SOX6: variants seen among roughly 807,000 people sequenced by gnomAD.
SOX6 encodes SRY-box transcription factor 6, also known as transcription factor SOX-6.
Under a neutral mutation model 97.8 loss-of-function variants are expected in SOX6, and 11 were observed. The observed-to-expected ratio is 0.11, with a 90% CI of 0.07 to 0.19. SOX6 has a LOEUF of 0.19. Among genes scored for constraint, SOX6 ranks in the 10% least tolerant of loss-of-function variants. The pLI, the probability that SOX6 is intolerant of heterozygous loss-of-function variation, is 1.00. For synonymous variants in SOX6, 360 were observed against 371.4 expected, an observed-to-expected ratio of 0.97 and a Z score of 0.35; for missense variants, 810 against 1,039.5, an observed-to-expected ratio of 0.78 and a Z score of 3.04.
At chr11:16,542,915 G>A (rs1345421372) in intron 4 of SOX6, among the ~76,000 whole-genome samples, 2 of 151,968 alleles carry the variant, frequency 1.3e-5, no homozygotes, top group African/African-American at 4.8e-5. Flanking sequence ...GTAAATGATT[G>A]CTAATATTTA....
chr11:16,161,588 A>G (rs923997771), intron 6 of SOX6, among the ~76,000 whole-genome samples: 3 of 152,164 alleles, frequency 2.0e-5, no homozygotes, highest in Non-Finnish European at 2.9e-5. Context: ...AAAGCAGGAC[A>G]AAGGAAAAAT....
In SOX6 at chr11:16,160,468, A is replaced by G. The variant is rs184285887; in HGVS notation, c.777+23418T>C. Among the ~76,000 whole-genome samples the G allele has an allele frequency of 2.5e-4, 38 of 152,324 alleles. No individual in the cohort carries two copies. In the East Asian group the frequency reaches 7.0e-3, roughly 28 times the overall value. Reference sequence around the variant, plus strand: ...CCTTAGTGATGTGTCTGGATAACACATGCCCATATATACCATAATGACTTA... The same window carrying G: ...CCTTAGTGATGTGTCTGGATAACACGTGCCCATATATACCATAATGACTTA... On this transcript the variant is annotated intron_variant, in intron 6 of 15. Coordinates refer to ENST00000683767, the MANE Select transcript of SOX6 (RefSeq NM_001367873.1).
In SOX6 at chr11:15,970,608, A is replaced by C. The variant is rs774214775; in HGVS notation, c.*2201T>G. ...TCCTCATTTGAAATAAATGTACAAA[A>C]ACAAATTTCTAATCCCCAACCAACA... On this transcript the variant is annotated 3_prime_UTR_variant, in exon 16 of 16. Transcript: ENST00000683767. 6.6e-6 allele frequency: 1 copy of C among 152,662 alleles called. No homozygotes were observed. The highest frequency in any genetic ancestry group is 1.5e-5 in the Non-Finnish European group (1 of 68,048). 9.5% of individuals were successfully genotyped at this position (152,662 alleles called of 1,614,324 possible). A position where few individuals can be genotyped will look rare whatever the true frequency, so the allele number is the denominator to read the frequency against.
At chr11:16,469,230 T>C (rs909232365) in intron 1 of SOX6, among the ~76,000 whole-genome samples, 1 of 152,128 alleles carries the variant, frequency 6.6e-6, no homozygotes, top group African/African-American at 2.4e-5. Flanking sequence ...TTTAGAGCAG[T>C]TTGTTCTGGT....
intron 4 of SOX6, among the ~76,000 whole-genome samples, chr11:16,199,494 C>T (rs1398162456): frequency 6.6e-6 from 1 of 152,058 alleles, no homozygotes; most frequent in Non-Finnish European, 1.5e-5. Context: ...GGTCTGAATA[C>T]CCAACCCCAG....
intron 4 of SOX6, among the ~76,000 whole-genome samples, chr11:16,517,451 A>G (rs1388819125): frequency 1.3e-5 from 2 of 152,238 alleles, no homozygotes; most frequent in African/African-American, 4.8e-5. Context: ...GAGTTGATGT[A>G]AGAGAGGAAT....
chr11:16,195,337 T>G (rs1338167514), intron 4 of SOX6, among the ~76,000 whole-genome samples: 1 of 152,194 alleles, frequency 6.6e-6, no homozygotes, highest in East Asian at 1.9e-4. Flanking sequence ...GTCTAGAGTC[T>G]AAGAAAGAGG....
chr11:16,059,944 T>C (rs527864326), intron 9 of SOX6, among the ~76,000 whole-genome samples: 2 of 152,096 alleles, frequency 1.3e-5, no homozygotes, highest in South Asian at 2.1e-4. Context: ...ACATGTTGAC[T>C]ATATAGTCCT....
At chr11:16,017,262 T>G (rs889802363) in intron 12 of SOX6, among the ~76,000 whole-genome samples, 9 of 152,024 alleles carry the variant, frequency 5.9e-5, no homozygotes, top group Non-Finnish European at 1.0e-4. Context: ...TTTTCTAACT[T>G]CATTGAAAAA....
In SOX6 at chr11:16,388,140, T is replaced by A. The variant is rs190670665; in HGVS notation, c.-4-46888A>T. On this transcript the variant is annotated intron_variant, in intron 1 of 15. Transcript: ENST00000396356. ...TATTCCTAGATTGCTGGGAGTTTTT[T>A]AATTATTAATGGGTGTGGTCAACTG... 3.0e-4 allele frequency among the ~76,000 whole-genome samples: 46 copies of A among 152,292 alleles called. No individual in the cohort carries two copies. The East Asian group carries it at 8.7e-3, about 29-fold the overall frequency.
chr11:16,640,672 T>G (rs1472036192), intron 3 of SOX6, among the ~76,000 whole-genome samples: 2 of 152,210 alleles, frequency 1.3e-5, no homozygotes, highest in African/African-American at 4.8e-5. Context: ...TATCCATTTC[T>G]TCTAGATTTT....
At chr11:16,327,263 G>T (rs1339189584) in intron 2 of SOX6, among the ~76,000 whole-genome samples, 3 of 152,068 alleles carry the variant, frequency 2.0e-5, no homozygotes, top group African/African-American at 7.2e-5. Context: ...CATGTATAAA[G>T]CACTTAGTAT....
chr11:16,351,571 G>A (rs539878443), intron 1 of SOX6, among the ~76,000 whole-genome samples: 1 of 152,066 alleles, frequency 6.6e-6, no homozygotes, highest in East Asian at 1.9e-4. Flanking sequence ...CCTGACCCTG[G>A]CACTTGAGGC....
At chr11:16,428,360 G>T (rs1366557511) in intron 1 of SOX6, among the ~76,000 whole-genome samples, 2 of 152,122 alleles carry the variant, frequency 1.3e-5, no homozygotes, top group Non-Finnish European at 2.9e-5. Flanking sequence ...TTTGGCTTTT[G>T]TTGCCATTGC....
intron 12 of SOX6, among the ~76,000 whole-genome samples, chr11:16,038,400 T>C (rs1393745005): frequency 6.6e-6 from 1 of 151,814 alleles, no homozygotes; most frequent in East Asian, 1.9e-4. Context: ...TCAACAAACT[T>C]AATTAAATGG....
chr11:16,373,867 GGAAGGAAGGAAGGA>G (rs1857568702), intron 1 of SOX6, among the ~76,000 whole-genome samples: 1 of 26,848 alleles, frequency 3.7e-5, no homozygotes, highest in African/African-American at 8.7e-5. Flanking sequence ...AAGGAAGGAA[GGAAGGAAGGAAGGA>G]AGGAAGGGAG....
In SOX6 at chr11:16,484,249, T is replaced by C. The variant is rs878867096; in HGVS notation, n.610-7861A>G. The C allele has an allele frequency of 5.8e-6, 6 of 1,027,136 alleles. No individual in the cohort carries two copies. In the Admixed American group the frequency reaches 1.0e-4, roughly 17 times the overall value. 63.6% of individuals were successfully genotyped at this position (1,027,136 alleles called of 1,614,324 possible). ...CCACCAGCTCCTCCATGGCTGCCCATGTGTCCAGAATGTTGGTGTCACTGG... is the reference window on the plus strand; with the variant it reads ...CCACCAGCTCCTCCATGGCTGCCCACGTGTCCAGAATGTTGGTGTCACTGG... On this transcript the variant is annotated intron_variant and non_coding_transcript_variant, in intron 4 of 5. Coordinates refer to the SOX6 transcript ENST00000524520.
chr11:16,236,720 G>A (rs1853035766), intron 3 of SOX6, among the ~76,000 whole-genome samples: 1 of 151,814 alleles, frequency 6.6e-6, no homozygotes, highest in Non-Finnish European at 1.5e-5. Context: ...TGTAAAACAG[G>A]CTAAAATATG....
At chr11:16,272,793 T>C (rs1429524238) in intron 3 of SOX6, among the ~76,000 whole-genome samples, 1 of 151,846 alleles carries the variant, frequency 6.6e-6, no homozygotes, top group Non-Finnish European at 1.5e-5. Flanking sequence ...TGTCCTCTCC[T>C]GACATTTTCA....
Sources: gnomAD v4.1 joint callset for allele counts (sites outside exome capture counted in the v4.1 genomes callset) on GRCh38, gnomAD v4.1.1 for gene constraint, MANE v1.5 for transcripts, NCBI Gene and HGNC (gene_info 2026-07-23, HGNC 2026-07-21) for gene names.